Variants in SENP1 observed in about 807,000 individuals in gnomAD.
SENP1 encodes sentrin-specific protease 1.
SENP1 carries 21 observed loss-of-function variants against 93.0 expected under a neutral mutation model. That is an observed-to-expected ratio of 0.23 (90% confidence interval 0.16 to 0.33). The LOEUF (loss-of-function observed/expected upper bound fraction) is 0.33, where lower values mean the gene tolerates loss of function less well. Among genes scored for constraint, SENP1 ranks in the 10% least tolerant of loss-of-function variants. The probability of loss-of-function intolerance (pLI) is 1.00; values close to 1 mark genes in which losing one functional copy is unlikely to be tolerated. For synonymous variants in SENP1, 256 were observed against 259.6 expected, an observed-to-expected ratio of 0.99 and a Z score of 0.13; for missense variants, 591 against 758.7, an observed-to-expected ratio of 0.78 and a Z score of 2.60.
chr12:48,080,445 A>G (rs961005693), intron 6 of SENP1: 1 of 152,302 alleles, frequency 6.6e-6, no homozygotes, highest in African/African-American at 2.4e-5. Flanking sequence ...TGTAAGACTG[A>G]GCAGTGCAGT....
chr12:48,103,018 G>A (rs1946061724), intron 1 of SENP1, among the ~76,000 whole-genome samples: 1 of 152,040 alleles, frequency 6.6e-6, no homozygotes, highest in African/African-American at 2.4e-5. Context: ...CTTTAATAGA[G>A]TAGACTCCCT....
intron 6 of SENP1, among the ~76,000 whole-genome samples, chr12:48,078,334 T>TATATATATATATATATACAC: frequency 2.9e-5 from 2 of 67,894 alleles, no homozygotes; most frequent in African/African-American, 4.9e-5. Flanking sequence ...TATATATATA[T>TATATATATATATATATACAC]ACACACACAT....
intron 13 of SENP1, among the ~76,000 whole-genome samples, chr12:48,062,748 A>G (rs1943041881): frequency 1.3e-5 from 2 of 152,348 alleles, no homozygotes; most frequent in African/African-American, 4.8e-5. Context: ...TTATCTGCAG[A>G]ATGGTGAACT....
chr12:48,063,683 T>C, intron 13 of SENP1, 27 bp downstream of exon 13: 1 of 1,597,374 alleles, frequency 6.3e-7, no homozygotes, highest in Non-Finnish European at 8.5e-7. Context: ...GTTTACTATT[T>C]GTATGTAAAA....
At chr12:48,079,296 G>A (rs962023834) in intron 6 of SENP1, among the ~76,000 whole-genome samples, 3 of 152,032 alleles carry the variant, frequency 2.0e-5, no homozygotes, top group African/African-American at 4.8e-5. Flanking sequence ...TCAGTAGATC[G>A]AGACCATCCT....
chr12:48,088,612 A>G, intron 5 of SENP1, 189 bp downstream of exon 5: 3 of 588,132 alleles, frequency 5.1e-6, no homozygotes, highest in East Asian at 5.9e-5. Context: ...AGATCTGGCT[A>G]TCATCAAAAT....
At chr12:48,048,178 C>A in intron 14 of SENP1, 98 bp from the exon 15 acceptor site, 1 of 721,752 alleles carries the variant, frequency 1.4e-6, no homozygotes, top group Non-Finnish European at 2.4e-6. Flanking sequence ...TGCCAGACTT[C>A]CTACAAAATC....
At chr12:48,101,562 T>C (rs1485719174) in intron 1 of SENP1, 46 bp from the exon 2 acceptor site, 1 of 986,526 alleles carries the variant, frequency 1.0e-6, no homozygotes, top group Non-Finnish European at 1.6e-6. Context: ...CTGAAACACC[T>C]ACTTCACTTA....
intron 2 of SENP1, 48 bp from the exon 3 acceptor site, chr12:48,098,172 C>T (rs781101382): frequency 2.5e-5 from 39 of 1,573,270 alleles, no homozygotes; most frequent in Non-Finnish European, 3.1e-5. Context: ...TCTTCAATAA[C>T]GTTTTTCCTA....
rs1460256085 is a variant in SENP1, at chr12:48,101,463, T to A, written c.4+6A>T. On this transcript the variant is annotated splice_donor_region_variant and intron_variant, in intron 2 of 17. Coordinates refer to ENST00000549518, the MANE Select transcript of SENP1 (RefSeq NM_001267594.2). ...CTAAAAGGATTCAACAGCTAGTTAGTCTTACCCATTTCAAGTCTTTTCACA... is the reference window on the plus strand; with the variant it reads ...CTAAAAGGATTCAACAGCTAGTTAGACTTACCCATTTCAAGTCTTTTCACA... The A allele has an allele frequency of 6.2e-7, 1 of 1,600,200 alleles. No homozygotes were observed. The highest frequency in any genetic ancestry group is 1.1e-5 in the South Asian group (1 of 88,146).
chr12:48,082,390 G>C (rs1383867613), intron 6 of SENP1, among the ~76,000 whole-genome samples: 1 of 152,142 alleles, frequency 6.6e-6, no homozygotes, highest in Non-Finnish European at 1.5e-5. Context: ...AAGCATACTT[G>C]ACCAAACCTC....
chr12:48,064,565 T>C (rs955782175), intron 12 of SENP1, among the ~76,000 whole-genome samples: 12 of 152,214 alleles, frequency 7.9e-5, no homozygotes, highest in Admixed American at 6.5e-5. Flanking sequence ...AAGCCACCCA[T>C]AGTTCTTTCA....
At chr12:48,057,089 CATATATAAATATATTATTTAATATAT>C (rs1565747043) in intron 13 of SENP1, among the ~76,000 whole-genome samples, 2 of 65,708 alleles carry the variant, frequency 3.0e-5, no homozygotes, top group African/African-American at 1.8e-4. Context: ...TTATATATTA[CATATATAAATATATTATTTAATATAT>C]TATATATTAC....
Position 48,044,500 on chromosome 12 carries a change from G to A in SENP1, c.*822C>T, listed in dbSNP as rs528860762. 2.0e-5 allele frequency: 3 copies of A among 151,800 alleles called. No individual in the cohort carries two copies. Among genetic ancestry groups the A allele is most frequent in the Admixed American group, 6.6e-5 (1 of 15,236 alleles). The allele number at this position is 151,800 out of a possible 1,614,324, so 9.4% of individuals were successfully genotyped here. On this transcript the variant is annotated 3_prime_UTR_variant, in exon 18 of 18. Coordinates refer to ENST00000549518, the MANE Select transcript of SENP1 (RefSeq NM_001267594.2). ...CTGGAATTTTATGCTAAATACTAAG[G>A]TCCTTTTTCTTCTTGGTCAGAAGTA...
intron 1 of SENP1, among the ~76,000 whole-genome samples, chr12:48,103,521 A>G (rs1375126386): frequency 6.6e-6 from 1 of 152,230 alleles, no homozygotes; most frequent in African/African-American, 2.4e-5. Flanking sequence ...AAATACATCC[A>G]GCTACTTCAG....
At chr12:48,054,045 C>T (rs1942028511) in intron 13 of SENP1, among the ~76,000 whole-genome samples, 1 of 152,066 alleles carries the variant, frequency 6.6e-6, no homozygotes, top group South Asian at 2.1e-4. Flanking sequence ...AATAGAGAGA[C>T]AGGAAATGCT....
intron 6 of SENP1, 70 bp downstream of exon 6, chr12:48,083,521 T>C (rs980840143): frequency 8.2e-7 from 1 of 1,222,778 alleles, no homozygotes; most frequent in East Asian, 2.4e-5. Context: ...TAATTATTAA[T>C]AGGGAGCAAA....
intron 13 of SENP1, among the ~76,000 whole-genome samples, chr12:48,063,223 TA>T (rs1023784094): frequency 6.6e-6 from 1 of 152,184 alleles, no homozygotes; most frequent in Admixed American, 6.5e-5. Flanking sequence ...AATGTCCATT[TA>T]AAAAATATCA....
chr12:48,086,181 CA>C lies in SENP1; in HGVS notation c.381-2420del, dbSNP rs1412631188. ...TGAAACATATGAAGTGTCTATTTTA[CA>C]AAAACCTTGCTTTGAAAACTGGTAA... On this transcript the variant is annotated intron_variant, in intron 5 of 17. Transcript: ENST00000549518. Among the ~76,000 whole-genome samples, 3 of 152,128 alleles carry C rather than the reference CA, an allele frequency of 2.0e-5. No homozygotes were observed. The East Asian group carries it at 5.8e-4, about 29-fold the overall frequency.
Sources: allele counts gnomAD v4.1 joint callset (sites outside exome capture counted in the v4.1 genomes callset), GRCh38; gene constraint gnomAD v4.1.1; transcripts MANE v1.5; gene names NCBI Gene and HGNC (gene_info 2026-07-23, HGNC 2026-07-21).